DTD1: variants seen among roughly 807,000 people sequenced by gnomAD.
DTD1 encodes D-aminoacyl-tRNA deacylase 1.
A neutral mutation model predicts 25.6 loss-of-function variants in DTD1; 13 were observed. The ratio of observed to expected loss-of-function variants is 0.51; its 90% CI spans 0.33 to 0.81. The LOEUF (loss-of-function observed/expected upper bound fraction) is 0.81. Among genes scored for constraint, DTD1 ranks in the 30% least tolerant of loss-of-function variants. DTD1 has a pLI of 0.02. For missense variants in DTD1, 193 were observed against 266.4 expected (o/e 0.72, Z 1.92); for synonymous variants, 110 against 103.6 (o/e 1.06, Z -0.37).
At chr20:18,606,404 TTGA>T (rs1768163674) in intron 3 of DTD1, among the ~76,000 whole-genome samples, 1 of 137,526 alleles carries the variant, frequency 7.3e-6, no homozygotes, top group African/African-American at 2.7e-5. Flanking sequence ...GAAATACCAT[TTGA>T]CCCGGCCATC....
chr20:18,649,502 CT>C (rs1337673783), intron 4 of DTD1, among the ~76,000 whole-genome samples: 3 of 151,748 alleles, frequency 2.0e-5, no homozygotes, highest in Non-Finnish European at 2.9e-5. Flanking sequence ...CCAAGCCTGG[CT>C]AAGTTTTGTA....
intron 3 of DTD1, among the ~76,000 whole-genome samples, chr20:18,614,002 C>T (rs190517743): frequency 5.9e-5 from 9 of 152,172 alleles, no homozygotes; most frequent in Non-Finnish European, 8.8e-5. Context: ...GAGACAGTTT[C>T]GCCATGTTGC....
At chr20:18,644,719 T>C (rs183400240) in intron 4 of DTD1, among the ~76,000 whole-genome samples, 440 of 152,314 alleles carry the variant, frequency 2.9e-3, no homozygotes, top group Admixed American at 5.9e-3. Flanking sequence ...CATTCAGGAA[T>C]TCATTCCAAG....
intron 4 of DTD1, among the ~76,000 whole-genome samples, chr20:18,635,252 G>A (rs191908533): frequency 1.2e-3 from 176 of 152,340 alleles, no homozygotes; most frequent in Middle Eastern, 3.4e-3. Flanking sequence ...TGAGGGTCCA[G>A]CTTTGTTTAT....
chr20:18,722,739 C>T (rs948770600), intron 4 of DTD1, among the ~76,000 whole-genome samples: 2 of 152,074 alleles, frequency 1.3e-5, no homozygotes, highest in African/African-American at 4.8e-5. Context: ...GCTGGGACTG[C>T]AAAACATGGT....
chr20:18,593,232 G>A (rs1256318075), intron 1 of DTD1, among the ~76,000 whole-genome samples: 6 of 152,152 alleles, frequency 3.9e-5, no homozygotes, highest in Non-Finnish European at 7.3e-5. Context: ...TATGTATTAT[G>A]TATTTGTCCT....
chr20:18,673,530 T>C (rs2060958485), intron 4 of DTD1, among the ~76,000 whole-genome samples: 1 of 152,228 alleles, frequency 6.6e-6, no homozygotes. Flanking sequence ...TCTGTCTCAG[T>C]TGATTAGAAA....
chr20:18,726,909 T>C (rs1398892108), intron 4 of DTD1, among the ~76,000 whole-genome samples: 1 of 152,224 alleles, frequency 6.6e-6, no homozygotes, highest in African/African-American at 2.4e-5. Context: ...GCTGACTTTA[T>C]CTTTCCCAGA....
chr20:18,645,089 A>G (rs2122343977), intron 4 of DTD1, among the ~76,000 whole-genome samples: 1 of 152,316 alleles, frequency 6.6e-6, no homozygotes, highest in East Asian at 1.9e-4. Context: ...GGTTGAGGCC[A>G]CAGTGAGCCA....
chr20:18,724,205 C>T (rs1486324850), intron 4 of DTD1, among the ~76,000 whole-genome samples: 2 of 152,154 alleles, frequency 1.3e-5, no homozygotes, highest in East Asian at 1.9e-4. Context: ...GACTGGAGCC[C>T]GTAGGAAGGA....
At chr20:18,757,697 A>G (rs1319619088) in intron 5 of DTD1, among the ~76,000 whole-genome samples, 1 of 152,222 alleles carries the variant, frequency 6.6e-6, no homozygotes, top group Admixed American at 6.5e-5. Context: ...GGATTTTTGC[A>G]TCGATGTTCA....
intron 4 of DTD1, among the ~76,000 whole-genome samples, chr20:18,685,347 G>A (rs1447614027): frequency 1.3e-5 from 2 of 152,254 alleles, no homozygotes; most frequent in African/African-American, 4.8e-5. Flanking sequence ...CCCCAGGCAT[G>A]TATAAAACCA....
intron 5 of DTD1, among the ~76,000 whole-genome samples, chr20:18,755,618 G>A (rs529999579): frequency 7.4e-4 from 113 of 152,274 alleles, no homozygotes; most frequent in African/African-American, 2.7e-3. Context: ...TTTTATGGTT[G>A]CATAGTATTC....
Position 18,617,284 on chromosome 20 carries a change from T to G in DTD1, c.371-10843T>G, listed in dbSNP as rs529591386. Among the ~76,000 whole-genome samples the G allele has an allele frequency of 6.6e-5, 10 of 150,978 alleles. No homozygotes were observed. The South Asian group carries it at 1.2e-3, about 19-fold the overall frequency. On this transcript the variant is annotated intron_variant, in intron 3 of 5. Transcript: ENST00000377452. Reference sequence around the variant, plus strand: ...GGAGGAATGGGAAGAGTTCAAAACCTTATTGATTCAGGGACTACGAATTCA... The same window carrying G: ...GGAGGAATGGGAAGAGTTCAAAACCGTATTGATTCAGGGACTACGAATTCA...
At chr20:18,620,976 A>AT (rs1171342079) in intron 3 of DTD1, among the ~76,000 whole-genome samples, 1 of 152,230 alleles carries the variant, frequency 6.6e-6, no homozygotes, top group Non-Finnish European at 1.5e-5. Context: ...TATTGATAAC[A>AT]TTTTACATAG....
chr20:18,685,430 C>T (rs1304973925), intron 4 of DTD1, among the ~76,000 whole-genome samples: 1 of 152,136 alleles, frequency 6.6e-6, no homozygotes, highest in Non-Finnish European at 1.5e-5. Context: ...TGCTTTCTGC[C>T]TTGGACCTGT....
At chr20:18,763,190 T>A (rs2061369485) in intron 5 of DTD1, among the ~76,000 whole-genome samples, 170 bp from the exon 6 acceptor site, 1 of 152,218 alleles carries the variant, frequency 6.6e-6, no homozygotes, top group Non-Finnish European at 1.5e-5. Context: ...GGTTTGTACA[T>A]GGCAACATGG....
At chr20:18,690,473 C>T (rs914856302) in intron 4 of DTD1, among the ~76,000 whole-genome samples, 2 of 152,100 alleles carry the variant, frequency 1.3e-5, no homozygotes, top group African/African-American at 4.8e-5. Flanking sequence ...TTTTATAGTT[C>T]GAGGTCTTAC....
At chr20:18,688,907 T>G (rs1441788771) in intron 4 of DTD1, among the ~76,000 whole-genome samples, 2 of 152,090 alleles carry the variant, frequency 1.3e-5, no homozygotes, top group Non-Finnish European at 2.9e-5. Flanking sequence ...GAGGTATGTG[T>G]TAGCAGGTGG....
Sources: allele counts gnomAD v4.1 joint callset (sites outside exome capture counted in the v4.1 genomes callset), GRCh38; gene constraint gnomAD v4.1.1; transcripts MANE v1.5; gene names NCBI Gene and HGNC (gene_info 2026-07-23, HGNC 2026-07-21).